KCNIP4: variants seen among roughly 807,000 people sequenced by gnomAD.
The protein encoded by KCNIP4 is potassium voltage-gated channel interacting protein 4.
KCNIP4 carries 12 observed loss-of-function variants against 34.0 expected under a neutral mutation model. That is an observed-to-expected ratio of 0.35 (90% CI 0.23 to 0.57). The LOEUF (loss-of-function observed/expected upper bound fraction) is 0.57, where lower values mean the gene tolerates loss of function less well. KCNIP4 is among the 20% of genes least tolerant of loss of function. The pLI, the probability that KCNIP4 is intolerant of heterozygous loss-of-function variation, is 0.83. For missense variants in KCNIP4, 238 were observed against 311.7 expected, an observed-to-expected ratio of 0.76 and a Z score of 1.78; for synonymous variants, 124 against 102.2, an observed-to-expected ratio of 1.21 and a Z score of -1.29.
chr4:20,914,053 A>C (rs1728580423), intron 1 of KCNIP4, among the ~76,000 whole-genome samples: 2 of 152,062 alleles, frequency 1.3e-5, no homozygotes, highest in Non-Finnish European at 1.5e-5. Context: ...GCTACTGGGG[A>C]GGCTGAGGCA....
intron 1 of KCNIP4, among the ~76,000 whole-genome samples, chr4:20,888,445 AGT>A (rs1255877136): frequency 6.6e-6 from 1 of 152,148 alleles, no homozygotes; most frequent in Non-Finnish European, 1.5e-5. Flanking sequence ...GCTTCCTCAC[AGT>A]GTGTGAAGCG....
At chr4:21,434,765 T>TAG (rs1560402211) in intron 1 of KCNIP4, among the ~76,000 whole-genome samples, 1 of 106,706 alleles carries the variant, frequency 9.4e-6, no homozygotes, top group Admixed American at 9.3e-5. Flanking sequence ...ACCCTGTCTG[T>TAG]GGGGGGAAAA....
intron 3 of KCNIP4, among the ~76,000 whole-genome samples, chr4:20,822,202 C>T (rs1225075123): frequency 6.6e-6 from 1 of 152,070 alleles, no homozygotes; most frequent in East Asian, 1.9e-4. Flanking sequence ...CTACAAGAAA[C>T]TCAAACAAAT....
chr4:21,946,123 C>T (rs1730499973), intron 1 of KCNIP4, among the ~76,000 whole-genome samples: 1 of 151,622 alleles, frequency 6.6e-6, no homozygotes, highest in Admixed American at 6.6e-5. Context: ...TCCAACATTT[C>T]CTCTCTACTT....
intron 1 of KCNIP4, among the ~76,000 whole-genome samples, chr4:21,717,790 G>A (rs1050743398): frequency 7.2e-5 from 11 of 152,032 alleles, no homozygotes; most frequent in Non-Finnish European, 1.0e-4. Flanking sequence ...CCACTCCTGC[G>A]TAATAGTTCC....
intron 1 of KCNIP4, among the ~76,000 whole-genome samples, chr4:21,527,395 T>C (rs1055197202): frequency 1.3e-5 from 2 of 152,166 alleles, no homozygotes; most frequent in East Asian, 1.9e-4. Context: ...CCTTGGCCTA[T>C]ATTACTTTTA....
intron 1 of KCNIP4, among the ~76,000 whole-genome samples, chr4:21,519,721 CACACGTGTGTATATGTATGAT>C (rs1210581339): frequency 1.9e-4 from 23 of 118,152 alleles, no homozygotes; most frequent in African/African-American, 8.1e-4. Flanking sequence ...TGTATATATA[CACACGTGTGTATATGTATGAT>C]ACACACGTGT....
intron 1 of KCNIP4, among the ~76,000 whole-genome samples, chr4:21,016,573 G>A (rs146661769): frequency 6.6e-6 from 1 of 152,050 alleles, no homozygotes; most frequent in Non-Finnish European, 1.5e-5. Context: ...GGGATTACAG[G>A]CGTGAGACAC....
At chr4:20,764,496 T>C (rs1755216772) in intron 3 of KCNIP4, among the ~76,000 whole-genome samples, 1 of 151,898 alleles carries the variant, frequency 6.6e-6, no homozygotes, top group Non-Finnish European at 1.5e-5. Context: ...GCACTTGTGG[T>C]TTCTTCTTTA....
At chr4:21,646,739 C>A (rs920831551) in intron 1 of KCNIP4, among the ~76,000 whole-genome samples, 2 of 152,180 alleles carry the variant, frequency 1.3e-5, no homozygotes, top group Non-Finnish European at 2.9e-5. Context: ...CTCTCCCTGG[C>A]ACTATCCATG....
At chr4:21,505,060 G>C (rs189925591) in intron 1 of KCNIP4, among the ~76,000 whole-genome samples, 1 of 152,060 alleles carries the variant, frequency 6.6e-6, no homozygotes. Context: ...TTTAACTCTC[G>C]AGTGATGATG....
chr4:21,149,768 G>A (rs777890483), intron 1 of KCNIP4, among the ~76,000 whole-genome samples: 1 of 152,084 alleles, frequency 6.6e-6, no homozygotes, highest in Non-Finnish European at 1.5e-5. Context: ...ACGATGAGTT[G>A]CTCTGCATTG....
At chr4:21,142,728 A>G (rs1385372033) in intron 1 of KCNIP4, among the ~76,000 whole-genome samples, 2 of 151,986 alleles carry the variant, frequency 1.3e-5, no homozygotes, top group African/African-American at 2.4e-5. Context: ...TGGGTGTTGG[A>G]CTCCCAAGAA....
At chr4:21,239,747 G>T (rs1560205227) in intron 1 of KCNIP4, among the ~76,000 whole-genome samples, 1 of 152,270 alleles carries the variant, frequency 6.6e-6, no homozygotes, top group South Asian at 2.1e-4. Flanking sequence ...AGGATGTGGA[G>T]AAATAGGAAC....
At chr4:20,856,804 A>C (rs1359963431) in intron 2 of KCNIP4, among the ~76,000 whole-genome samples, 2 of 152,164 alleles carry the variant, frequency 1.3e-5, no homozygotes, top group Non-Finnish European at 2.9e-5. Flanking sequence ...GGGGATTTTA[A>C]TTAAATTTTC....
chr4:21,241,058 C>CAT (rs1409143347), intron 1 of KCNIP4, among the ~76,000 whole-genome samples: 1 of 151,988 alleles, frequency 6.6e-6, no homozygotes, highest in Non-Finnish European at 1.5e-5. Context: ...TATATACTGG[C>CAT]ATACTACAGA....
At chr4:21,471,975 C>A (rs1162410385) in intron 1 of KCNIP4, among the ~76,000 whole-genome samples, 2 of 152,130 alleles carry the variant, frequency 1.3e-5, no homozygotes, top group African/African-American at 2.4e-5. Flanking sequence ...ACAAATACTT[C>A]ATGAACTGAA....
chr4:21,589,156 G>GTGTATATATA (rs1175502330), intron 1 of KCNIP4, among the ~76,000 whole-genome samples: 1 of 71,214 alleles, frequency 1.4e-5, no homozygotes, highest in Non-Finnish European at 2.8e-5. Flanking sequence ...ATGGAGGTGT[G>GTGTATATATA]TATATATATA....
At chr4:21,015,784 T>A (rs1192435478) in intron 1 of KCNIP4, among the ~76,000 whole-genome samples, 1 of 135,934 alleles carries the variant, frequency 7.4e-6, no homozygotes, top group East Asian at 2.0e-4. Context: ...TTTATAAATA[T>A]ATAAATATAT....
Sources: allele counts gnomAD v4.1 joint callset (sites outside exome capture counted in the v4.1 genomes callset), GRCh38; gene constraint gnomAD v4.1.1; transcripts MANE v1.5; gene names NCBI Gene and HGNC (gene_info 2026-07-23, HGNC 2026-07-21).